Variants in CNBD1 observed in about 807,000 individuals in gnomAD.
CNBD1 encodes the protein cyclic nucleotide-binding domain-containing protein 1.
A neutral mutation model predicts 54.4 loss-of-function variants in CNBD1; 71 were observed. The observed-to-expected ratio is 1.30, with a 90% CI of 1.08 to 1.59. The LOEUF (loss-of-function observed/expected upper bound fraction) is 1.59, where lower values mean the gene tolerates loss of function less well. Ranked by LOEUF, CNBD1 falls within the 40% of genes most tolerant of loss-of-function variation. The probability of loss-of-function intolerance (pLI) is 0.00; values close to 1 mark genes in which losing one functional copy is unlikely to be tolerated. For missense variants in CNBD1, 659 were observed against 518.0 expected (o/e 1.27, Z -2.64); for synonymous variants, 182 against 170.7 (o/e 1.07, Z -0.51).
intron 4 of CNBD1, among the ~76,000 whole-genome samples, chr8:86,964,007 C>G (rs1808006014): frequency 6.6e-6 from 1 of 152,118 alleles, no homozygotes; most frequent in African/African-American, 2.4e-5. Flanking sequence ...GTTATTAGAG[C>G]CTCTGTCTTT....
At chr8:87,354,068 G>A (rs1810367742) in intron 10 of CNBD1, among the ~76,000 whole-genome samples, 1 of 151,966 alleles carries the variant, frequency 6.6e-6, no homozygotes, top group South Asian at 2.1e-4. Context: ...CCTGAGGCTT[G>A]GTCTCCTGGT....
intron 5 of CNBD1, among the ~76,000 whole-genome samples, chr8:87,216,299 CTCTT>C (rs1814210245): frequency 6.6e-6 from 1 of 152,064 alleles, no homozygotes; most frequent in Non-Finnish European, 1.5e-5. Context: ...CTGAGACAAA[CTCTT>C]TCTGTGAAAT....
chr8:86,900,388 G>A (rs570162822), intron 2 of CNBD1, among the ~76,000 whole-genome samples: 53 of 152,130 alleles, frequency 3.5e-4, no homozygotes, highest in African/African-American at 1.2e-3. Context: ...AGTCTTAATC[G>A]CATTTAACAT....
At chr8:87,134,634 G>A (rs1358045369) in intron 4 of CNBD1, among the ~76,000 whole-genome samples, 9 of 110,680 alleles carry the variant, frequency 8.1e-5, no homozygotes, top group Non-Finnish European at 1.2e-4. Flanking sequence ...ATGGAGTCTC[G>A]CTGTGTCACC....
intron 4 of CNBD1, among the ~76,000 whole-genome samples, chr8:87,117,584 T>C (rs1811801557): frequency 6.6e-6 from 1 of 152,136 alleles, no homozygotes; most frequent in Non-Finnish European, 1.5e-5. Context: ...AGTTTCCTCT[T>C]TTTATTTACT....
intron 4 of CNBD1, among the ~76,000 whole-genome samples, chr8:87,016,273 A>G (rs1405234676): frequency 6.6e-6 from 1 of 151,826 alleles, no homozygotes; most frequent in Non-Finnish European, 1.5e-5. Context: ...TTTTCGCACC[A>G]CTGGAAATTT....
At chr8:87,323,862 G>A (rs1358396554) in intron 8 of CNBD1, among the ~76,000 whole-genome samples, 1 of 132,220 alleles carries the variant, frequency 7.6e-6, no homozygotes, top group Non-Finnish European at 1.7e-5. Flanking sequence ...GGTGAGAGAG[G>A]GCATCTCTGT....
intron 4 of CNBD1, among the ~76,000 whole-genome samples, chr8:87,148,255 G>A (rs1322439564): frequency 6.6e-6 from 1 of 151,978 alleles, no homozygotes; most frequent in African/African-American, 2.4e-5. Context: ...TTCATCTTAG[G>A]TAGTAGTCTT....
Position 87,185,669 on chromosome 8 carries a change from A to G in CNBD1, c.432-20324A>G, listed in dbSNP as rs186178808. ...ATTCCCAGGTCTGTGTGAGCTCCAG[A>G]TATTGTTCCCTCTAATCTTTTTAGG... On this transcript the variant is annotated intron_variant, in intron 4 of 10. Transcript: ENST00000518476. Among the ~76,000 whole-genome samples, 3 of 152,216 alleles carry G rather than the reference A, an allele frequency of 2.0e-5. No individual in the cohort carries two copies. The East Asian group carries it at 5.8e-4, about 29-fold the overall frequency.
intron 6 of CNBD1, among the ~76,000 whole-genome samples, chr8:87,267,164 A>G (rs1808275215): frequency 6.6e-6 from 1 of 152,204 alleles, no homozygotes; most frequent in South Asian, 2.1e-4. Context: ...CAAAAAGGAC[A>G]ATATAATGAA....
intron 4 of CNBD1, among the ~76,000 whole-genome samples, chr8:87,024,459 G>A (rs1809583254): frequency 6.6e-6 from 1 of 151,368 alleles, no homozygotes; most frequent in Admixed American, 6.6e-5. Context: ...TCATGCCTCA[G>A]CCTCCCAAGT....
intron 4 of CNBD1, among the ~76,000 whole-genome samples, chr8:86,952,827 C>T (rs558325235): frequency 6.6e-6 from 1 of 152,156 alleles, no homozygotes; most frequent in South Asian, 2.1e-4. Flanking sequence ...TCAAATTGCT[C>T]CCAAGAGTTT....
At chr8:87,329,119 C>G (rs1057409882) in intron 8 of CNBD1, among the ~76,000 whole-genome samples, 1 of 151,736 alleles carries the variant, frequency 6.6e-6, no homozygotes, top group Non-Finnish European at 1.5e-5. Flanking sequence ...TGGTCTTTGT[C>G]TATATTCGCT....
At chr8:87,024,609 T>C (rs1809588317) in intron 4 of CNBD1, among the ~76,000 whole-genome samples, 1 of 152,280 alleles carries the variant, frequency 6.6e-6, no homozygotes, top group East Asian at 1.9e-4. Context: ...CCCAAACTGC[T>C]GGGATTATAG....
At chr8:86,985,991 T>G (rs750578884) in intron 4 of CNBD1, among the ~76,000 whole-genome samples, 3 of 152,024 alleles carry the variant, frequency 2.0e-5, no homozygotes, top group Admixed American at 6.6e-5. Flanking sequence ...AGTGCTGTGG[T>G]GCAATATCGG....
chr8:87,202,697 G>A (rs1167095359), intron 4 of CNBD1, among the ~76,000 whole-genome samples: 2 of 152,152 alleles, frequency 1.3e-5, no homozygotes, highest in African/African-American at 2.4e-5. Flanking sequence ...GAGGTCTGGG[G>A]CAAGGCTAGA....
intron 8 of CNBD1, among the ~76,000 whole-genome samples, chr8:87,335,939 G>T (rs763899161): frequency 8.5e-5 from 13 of 152,160 alleles, no homozygotes; most frequent in Non-Finnish European, 1.9e-4. Flanking sequence ...GTCTGAAAAG[G>T]ATTTTATTTC....
intron 3 of CNBD1, among the ~76,000 whole-genome samples, chr8:86,914,386 G>T (rs193296960): frequency 2.1e-4 from 32 of 152,218 alleles, no homozygotes; most frequent in Admixed American, 2.0e-3. Context: ...ATAATATTTG[G>T]TACAGTAACA....
At chr8:86,931,278 A>T (rs1221842829) in intron 3 of CNBD1, among the ~76,000 whole-genome samples, 2 of 152,150 alleles carry the variant, frequency 1.3e-5, no homozygotes, top group Non-Finnish European at 2.9e-5. Context: ...CCTGGCCCTC[A>T]GTGGTTAAAC....
Sources: gnomAD v4.1 joint callset for allele counts (sites outside exome capture counted in the v4.1 genomes callset) on GRCh38, gnomAD v4.1.1 for gene constraint, MANE v1.5 for transcripts, NCBI Gene and HGNC (gene_info 2026-07-23, HGNC 2026-07-21) for gene names.